SLIT3: variants seen among roughly 807,000 people sequenced by gnomAD.
SLIT3 encodes slit homolog 3 protein.
A neutral mutation model predicts 184.0 loss-of-function variants in SLIT3; 68 were observed. That is an observed-to-expected ratio of 0.37 (90% confidence interval 0.30 to 0.45). SLIT3 has a LOEUF of 0.45. Among genes scored for constraint, SLIT3 ranks in the 20% least tolerant of loss-of-function variants. The pLI, the probability that SLIT3 is intolerant of heterozygous loss-of-function variation, is 1.00. For synonymous variants in SLIT3, 831 were observed against 828.6 expected, an observed-to-expected ratio of 1.00 and a Z score of -0.05; for missense variants, 1,707 against 2,026.0, an observed-to-expected ratio of 0.84 and a Z score of 3.02.
chr5:169,191,806 A>G (rs1279894329), intron 4 of SLIT3, among the ~76,000 whole-genome samples: 1 of 152,096 alleles, frequency 6.6e-6, no homozygotes, highest in Admixed American at 6.5e-5. Flanking sequence ...CCATCACCTG[A>G]TAGCCATGGG....
At chr5:168,712,898 T>C (rs1418037458) in intron 23 of SLIT3, 1 of 154,940 alleles carries the variant, frequency 6.5e-6, no homozygotes, top group East Asian at 1.9e-4. Context: ...CGGAAAGTTG[T>C]CATGGGTGTG....
At chr5:168,771,221 C>A (rs551250621) in intron 14 of SLIT3, among the ~76,000 whole-genome samples, 1 of 152,072 alleles carries the variant, frequency 6.6e-6, no homozygotes, top group Non-Finnish European at 1.5e-5. Flanking sequence ...GGGGATAGGA[C>A]GATTGTGCTT....
At chr5:168,955,807 A>C (rs942322534) in intron 4 of SLIT3, among the ~76,000 whole-genome samples, 1 of 152,154 alleles carries the variant, frequency 6.6e-6, no homozygotes, top group African/African-American at 2.4e-5. Context: ...GGAGATCTCT[A>C]ATGGTGAGTC....
intron 3 of SLIT3, among the ~76,000 whole-genome samples, chr5:169,205,484 T>C (rs1764037602): frequency 6.6e-6 from 1 of 152,228 alleles, no homozygotes; most frequent in South Asian, 2.1e-4. Context: ...TCCATTCAAA[T>C]GTGTAGTGCC....
At chr5:168,747,251 C>T (rs1340748579) in intron 20 of SLIT3, among the ~76,000 whole-genome samples, 2 of 152,172 alleles carry the variant, frequency 1.3e-5, no homozygotes, top group African/African-American at 2.4e-5. Context: ...CTTTGCGTGT[C>T]CTAGCAACCT....
intron 4 of SLIT3, among the ~76,000 whole-genome samples, chr5:168,945,580 T>C (rs957152420): frequency 3.3e-5 from 5 of 152,236 alleles, no homozygotes; most frequent in Non-Finnish European, 7.3e-5. Context: ...CATTCTGGCC[T>C]GGCCTCTCCA....
intron 4 of SLIT3, among the ~76,000 whole-genome samples, chr5:169,006,632 A>ACACACACACACACAC (rs752430679): frequency 3.2e-4 from 43 of 133,034 alleles, no homozygotes; most frequent in Non-Finnish European, 6.4e-4. Flanking sequence ...CACACACACA[A>ACACACACACACACAC]CTCTCCAAGC....
At position 169,087,984 on chromosome 5, in the gene SLIT3, T is replaced by TG. The variant is rs147237755; in HGVS notation, c.413+105494_413+105495insC. ...CGTTCTCTTTATCCTCCTACCACCC[T>TG]TTTTCTCTGGGCCACCTATAGGCCA... On this transcript the variant is annotated intron_variant, in intron 4 of 35. Coordinates refer to ENST00000519560, the MANE Select transcript of SLIT3 (RefSeq NM_003062.4). Among the ~76,000 whole-genome samples, 653 of 152,294 alleles carry TG rather than the reference T, an allele frequency of 4.3e-3. 2 individuals are homozygous for TG. Among genetic ancestry groups the TG allele is most frequent in the African/African-American group, 0.015 (630 of 41,574 alleles).
chr5:168,929,003 G>A (rs1761913002), intron 4 of SLIT3, among the ~76,000 whole-genome samples: 1 of 152,134 alleles, frequency 6.6e-6, no homozygotes, highest in African/African-American at 2.4e-5. Context: ...AAAATGTTAA[G>A]TAATAACGAT....
intron 1 of SLIT3, among the ~76,000 whole-genome samples, chr5:169,270,313 C>T (rs776338795): frequency 3.9e-5 from 6 of 152,174 alleles, no homozygotes; most frequent in Non-Finnish European, 7.3e-5. Flanking sequence ...CATATCCCCG[C>T]ACACCAAGAC....
intron 3 of SLIT3, among the ~76,000 whole-genome samples, chr5:169,220,784 G>A (rs1297509724): frequency 6.6e-6 from 1 of 152,160 alleles, no homozygotes; most frequent in Non-Finnish European, 1.5e-5. Context: ...CATCTCACAT[G>A]CCTGCTCCAA....
At position 168,710,953 on chromosome 5, in the gene SLIT3, A is replaced by C. The variant is rs1017495504; in HGVS notation, c.2661T>G (p.Pro887=). Residue 887 remains proline (P), a synonymous_variant, in exon 25 of 36, where the codon CCT becomes CCG. Transcript: ENST00000519560. ...KEPGIARCSS[P]EPMADRLLLT... is the part of the protein sequence containing the mutation. ...GCAGGAGCCTGTCAGCCATGGGCTCAGGGCTACTGCAGCGGGCGATGCCAG... is the reference window on the plus strand; with the variant it reads ...GCAGGAGCCTGTCAGCCATGGGCTCCGGGCTACTGCAGCGGGCGATGCCAG... 1 of 1,566,308 alleles carries C rather than the reference A, an allele frequency of 6.4e-7. No homozygotes were observed. Among genetic ancestry groups the C allele is most frequent in the African/African-American group, 1.3e-5 (1 of 74,268 alleles).
In SLIT3 at chr5:168,921,028, G is replaced by A. The variant is rs145869311; in HGVS notation, c.414-37692C>T. Among the ~76,000 whole-genome samples the A allele has an allele frequency of 4.4e-3, 673 of 152,180 alleles. 3 individuals carry two copies. The highest frequency in any genetic ancestry group is 0.015 in the African/African-American group (626 of 41,526). ...TTTAGCTTCTTGGTAATCTGGCTCTGGAGTCAGATTGCTGGAGTTTAAGTT... is the reference window on the plus strand; with the variant it reads ...TTTAGCTTCTTGGTAATCTGGCTCTAGAGTCAGATTGCTGGAGTTTAAGTT... On this transcript the variant is annotated intron_variant, in intron 4 of 35. Transcript: ENST00000519560.
chr5:169,192,033 T>C (rs114296485), intron 4 of SLIT3, among the ~76,000 whole-genome samples: 3 of 152,116 alleles, frequency 2.0e-5, no homozygotes, highest in East Asian at 1.9e-4. Context: ...GGTGGAGAGA[T>C]AGTGATTACG....
At chr5:168,883,066 T>C (rs1439686610) in intron 5 of SLIT3, among the ~76,000 whole-genome samples, 199 bp downstream of exon 5, 1 of 152,206 alleles carries the variant, frequency 6.6e-6, no homozygotes, top group Non-Finnish European at 1.5e-5. Flanking sequence ...TATCTGGGGA[T>C]GACTAACCAG....
At chr5:169,187,900 T>C (rs1300102965) in intron 4 of SLIT3, among the ~76,000 whole-genome samples, 2 of 150,982 alleles carry the variant, frequency 1.3e-5, no homozygotes, top group Non-Finnish European at 2.9e-5. Context: ...AACCCATGTG[T>C]CCCTCACCAC....
intron 23 of SLIT3, among the ~76,000 whole-genome samples, chr5:168,714,076 A>C (rs1220657970): frequency 6.6e-6 from 1 of 152,194 alleles, no homozygotes; most frequent in African/African-American, 2.4e-5. Context: ...AGTGAGCCTC[A>C]GTGCTTAGGC....
chr5:169,215,205 C>A (rs1764395889), intron 3 of SLIT3, among the ~76,000 whole-genome samples: 1 of 152,118 alleles, frequency 6.6e-6, no homozygotes, highest in South Asian at 2.1e-4. Context: ...TGACGAACTT[C>A]CTTTAGTTCT....
At chr5:169,268,127 A>T (rs775959440) in intron 1 of SLIT3, among the ~76,000 whole-genome samples, 1 of 152,232 alleles carries the variant, frequency 6.6e-6, no homozygotes, top group Non-Finnish European at 1.5e-5. Context: ...ATGTCCTGCC[A>T]TGCCCTAATA....
Sources: gnomAD v4.1 joint callset for allele counts (sites outside exome capture counted in the v4.1 genomes callset) on GRCh38, gnomAD v4.1.1 for gene constraint, MANE v1.5 for transcripts, NCBI Gene and HGNC (gene_info 2026-07-23, HGNC 2026-07-21) for gene names.